Variants in ST6GALNAC1 observed in about 807,000 individuals in gnomAD.
ST6GALNAC1 encodes the protein ST6 N-acetylgalactosaminide alpha-2,6-sialyltransferase 1, also known as alpha-N-acetylgalactosaminide alpha-2,6-sialyltransferase 1.
In ST6GALNAC1, 45 loss-of-function variants were observed where a neutral mutation model predicts 56.8. The ratio of observed to expected loss-of-function variants is 0.79; its 90% CI spans 0.62 to 1.02. The LOEUF (loss-of-function observed/expected upper bound fraction) is 1.02. ST6GALNAC1 is among the 50% of genes least tolerant of loss of function. The pLI is 0.00. For synonymous variants in ST6GALNAC1, 295 were observed against 297.8 expected, an observed-to-expected ratio of 0.99 and a Z score of 0.10; for missense variants, 743 against 754.8, an observed-to-expected ratio of 0.98 and a Z score of 0.18.
intron 1 of ST6GALNAC1, among the ~76,000 whole-genome samples, chr17:76,642,757 C>T (rs557891048): frequency 1.1e-4 from 16 of 152,118 alleles, no homozygotes; most frequent in African/African-American, 1.7e-4. Flanking sequence ...ATGGTGAAAA[C>T]CTGTCTCTAC....
chr17:76,637,933 G>A (rs372851260), intron 1 of ST6GALNAC1, among the ~76,000 whole-genome samples: 5 of 152,042 alleles, frequency 3.3e-5, no homozygotes, highest in African/African-American at 9.7e-5. Flanking sequence ...AGGTTCAAGC[G>A]ATTCTTGTGC....
Position 76,629,202 on chromosome 17 carries a change from G to T in ST6GALNAC1, c.641C>A (p.Thr214Lys), listed in dbSNP as rs201999966. 6.2e-7 allele frequency: 1 copy of T among 1,614,088 alleles called. No homozygotes were observed. The highest frequency in any genetic ancestry group is 8.5e-7 in the Non-Finnish European group (1 of 1,180,016). Residue 214 changes from threonine to lysine, a missense_variant, in exon 2 of 9, where the codon ACG (threonine) becomes AAG (lysine). Coordinates refer to ENST00000156626, the MANE Select transcript of ST6GALNAC1 (RefSeq NM_018414.5). ...LAPTGAVSTRTRQKGVTTAVI... is the reference protein window; with the variant it reads ...LAPTGAVSTRKRQKGVTTAVI... ...TGCTGTGGTCACTCCTTTCTGTCTC[G>T]TCCTTGTTGACACTGCTCCTGTGGG...
In ST6GALNAC1 at chr17:76,631,507, G is replaced by A. The variant is rs1340570943; in HGVS notation, c.132-1796C>T. ...AGAAAGTGTTTCAAGGAACCCAAGA[G>A]CAGGAAGTAGTTGAGCCTCTGGGGG... On this transcript the variant is annotated intron_variant, in intron 1 of 8. Transcript: ENST00000156626. 2.6e-5 allele frequency among the ~76,000 whole-genome samples: 4 copies of A among 152,170 alleles called. No homozygotes were observed. The East Asian group carries it at 7.7e-4, about 29-fold the overall frequency.
intron 1 of ST6GALNAC1, 47 bp from the exon 2 acceptor site, chr17:76,629,758 A>G (rs1254419963): frequency 7.3e-7 from 1 of 1,361,310 alleles, no homozygotes; most frequent in Non-Finnish European, 1.0e-6. Flanking sequence ...TTGTGGAAAC[A>G]GGTCAGAAGC....
In ST6GALNAC1 at chr17:76,625,475, T is replaced by C. The variant is rs778767132; in HGVS notation, c.1658A>G (p.Tyr553Cys). The C allele has an allele frequency of 7.0e-5, 113 of 1,614,046 alleles. No homozygotes were observed. The highest frequency in any genetic ancestry group is 9.2e-5 in the Non-Finnish European group (108 of 1,180,052). ...TEGHERFSDH[Y>C]YDTSWKRLIF... ...CAGCCGCTTCCATGATGTATCATAG[T>C]AGTGATCAGAAAAGCGCTCATGGCC... The change falls in exon 9 of 9, where the codon TAC becomes TGC. Residue 553 changes from tyrosine (Y) to cysteine (C), a missense_variant. Transcript: ENST00000156626.
chr17:76,639,626 A>G (rs1289910458), intron 1 of ST6GALNAC1, among the ~76,000 whole-genome samples: 1 of 149,014 alleles, frequency 6.7e-6, no homozygotes, highest in East Asian at 2.0e-4. Flanking sequence ...AAATTCATAT[A>G]ATTACATGAT....
Position 76,628,000 on chromosome 17 carries a change from G to A in ST6GALNAC1, c.832-417C>T, listed in dbSNP as rs2143427614. On this transcript the variant is annotated intron_variant, in intron 2 of 8. Coordinates refer to ENST00000156626, the MANE Select transcript of ST6GALNAC1 (RefSeq NM_018414.5). The surrounding 1 kb of genome is among the most constrained non-coding windows in gnomAD (Gnocchi z 4.4). Reference sequence around the variant, plus strand: ...TAGTTCCAGCTACTCGGGAGGCTGAGGCAGGAGAATGGCGTGAACCCGGGA... The same window carrying A: ...TAGTTCCAGCTACTCGGGAGGCTGAAGCAGGAGAATGGCGTGAACCCGGGA... 6.6e-6 allele frequency among the ~76,000 whole-genome samples: 1 copy of A among 151,400 alleles called. No homozygotes were observed. Among genetic ancestry groups the A allele is most frequent in the South Asian group, 2.1e-4 (1 of 4,810 alleles).
At chr17:76,641,416 G>T (rs115892443) in intron 1 of ST6GALNAC1, among the ~76,000 whole-genome samples, 233 of 152,046 alleles carry the variant, frequency 1.5e-3, no homozygotes, top group African/African-American at 5.1e-3. Context: ...TATACAAAAA[G>T]CTCCTACAAA....
At chr17:76,629,867 C>T (rs934182827) in intron 1 of ST6GALNAC1, among the ~76,000 whole-genome samples, 156 bp from the exon 2 acceptor site, 6 of 150,716 alleles carry the variant, frequency 4.0e-5, no homozygotes, top group Non-Finnish European at 1.5e-5. Flanking sequence ...ACTGCAACCT[C>T]CATCTCCTGG....
At position 76,627,570 on chromosome 17, in the gene ST6GALNAC1, G is replaced by A; in HGVS notation, c.845C>T (p.Ser282Phe). 1 of 1,614,146 alleles carries A rather than the reference G, an allele frequency of 6.2e-7. No homozygotes were observed. The highest frequency in any genetic ancestry group is 8.5e-7 in the Non-Finnish European group (1 of 1,180,016). Residue 282 changes from serine (S) to phenylalanine (F), a missense_variant, in exon 3 of 9, where the codon TCT becomes TTT. Physicochemically the swap from Ser to Phe is radical, Grantham distance 155. Transcript: ENST00000156626. This position sits in a 1 kb window ranked among gnomAD's most constrained non-coding sequence, Gnocchi z 4.4. ...IGGLQTTCPD[S>F]VKIKASKSLW... ...CGACTTGGAGGCTTTGATCTTCACA[G>A]AGTCAGGGCAAGTCTATATACAGGA...
chr17:76,619,740 GTT>G, the ST6GALNAC1 span, among the ~76,000 whole-genome samples: 449 of 101,558 alleles, frequency 4.4e-3, 3 homozygotes, highest in South Asian at 7.1e-3. Flanking sequence ...AATAATGTTA[GTT>G]TTTTTTTTTT....
chr17:76,627,252 G>C lies in ST6GALNAC1; in HGVS notation c.1001-14C>G, dbSNP rs534450923. ...CCTTCTGCACCACTGGAACAAGAGTGGGGGTGCTCCATTCAGAGCCCTGGG... is the reference window on the plus strand; with the variant it reads ...CCTTCTGCACCACTGGAACAAGAGTCGGGGTGCTCCATTCAGAGCCCTGGG... On this transcript the variant is annotated splice_polypyrimidine_tract_variant and intron_variant, in intron 3 of 8. Transcript: ENST00000156626. This position sits in a 1 kb window ranked among gnomAD's most constrained non-coding sequence, Gnocchi z 4.4. The C allele has an allele frequency of 3.9e-6, 6 of 1,547,360 alleles. No homozygotes were observed. Among genetic ancestry groups the C allele is most frequent in the Non-Finnish European group, 5.2e-6 (6 of 1,145,976 alleles).
the ST6GALNAC1 span, among the ~76,000 whole-genome samples, chr17:76,619,740 GTTTTTTT>G: frequency 0.2 from 19,982 of 101,860 alleles, 1,615 homozygotes; most frequent in Admixed American, 0.24. Context: ...AATAATGTTA[GTTTTTTT>G]TTTTTTTTTT....
chr17:76,625,931 C>T lies in ST6GALNAC1; in HGVS notation c.1506-13G>A, dbSNP rs752292467. Reference sequence around the variant, plus strand: ...AGACCTCAGAAACCTGTGAAATGCCCCAAACCCCCAACTGTCAGGAGGCTG... The same window carrying T: ...AGACCTCAGAAACCTGTGAAATGCCTCAAACCCCCAACTGTCAGGAGGCTG... On this transcript the variant is annotated splice_polypyrimidine_tract_variant and intron_variant, in intron 7 of 8. Transcript: ENST00000156626. The T allele has an allele frequency of 6.3e-7, 1 of 1,593,736 alleles. No homozygotes were observed. The highest frequency in any genetic ancestry group is 2.2e-5 in the East Asian group (1 of 44,794).
intron 7 of ST6GALNAC1, 34 bp from the exon 8 acceptor site, chr17:76,625,952 G>T: frequency 6.2e-7 from 1 of 1,604,668 alleles, no homozygotes; most frequent in South Asian, 1.1e-5. Context: ...ACTGTCAGGA[G>T]GCTGCAAGGA....
At chr17:76,628,567 C>T (rs936969036) in intron 2 of ST6GALNAC1, among the ~76,000 whole-genome samples, 5 of 152,162 alleles carry the variant, frequency 3.3e-5, no homozygotes, top group African/African-American at 1.2e-4. Context: ...ATTGACTTTG[C>T]AGGGAAGACA....
chr17:76,619,883 A>G (rs1396537731), downstream of ST6GALNAC1, among the ~76,000 whole-genome samples: 1 of 151,194 alleles, frequency 6.6e-6, no homozygotes. Context: ...AGCTGGGATT[A>G]CAGGCATGCA....
chr17:76,620,131 C>A (rs977412210), downstream of ST6GALNAC1, among the ~76,000 whole-genome samples: 4 of 152,090 alleles, frequency 2.6e-5, no homozygotes, highest in Non-Finnish European at 4.4e-5. Context: ...ACCTCTGCCC[C>A]TCGGGTTCAA....
chr17:76,629,989 G>C (rs1039226798), intron 1 of ST6GALNAC1, among the ~76,000 whole-genome samples: 1 of 151,892 alleles, frequency 6.6e-6, no homozygotes, highest in East Asian at 1.9e-4. Flanking sequence ...TCACCATGCT[G>C]GCCAGGCTGG....
Sources: gnomAD v4.1 joint callset for allele counts (sites outside exome capture counted in the v4.1 genomes callset) on GRCh38, gnomAD v4.1.1 for gene constraint, Gnocchi (gnomAD v3.1) non-coding constraint, MANE v1.5 for transcripts, NCBI Gene and HGNC (gene_info 2026-07-23, HGNC 2026-07-21) for gene names.